Variants in ARHGAP26 observed in about 807,000 individuals in gnomAD.
ARHGAP26 encodes the protein rho GTPase-activating protein 26.
Under a neutral mutation model 104.8 loss-of-function variants are expected in ARHGAP26, and 38 were observed. That is an observed-to-expected ratio of 0.36 (90% CI 0.28 to 0.48). The LOEUF (loss-of-function observed/expected upper bound fraction) is 0.48, where lower values mean the gene tolerates loss of function less well. ARHGAP26 is among the 20% of genes least tolerant of loss of function. The probability of loss-of-function intolerance (pLI) is 0.99; values close to 1 mark genes in which losing one functional copy is unlikely to be tolerated. For synonymous variants in ARHGAP26, 341 were observed against 340.0 expected (o/e 1.00, Z -0.03); for missense variants, 704 against 947.9 (o/e 0.74, Z 3.38).
rs147297964 is a variant in ARHGAP26 at position 142,887,169 on chromosome 5, A to G, written c.486+1770A>G. On this transcript the variant is annotated intron_variant, in intron 5 of 22. Coordinates refer to ENST00000645722, the MANE Select transcript of ARHGAP26 (RefSeq NM_001135608.3). ...ACCAGATCCATTCTCTCCGTGGTCA[A>G]ATATTGCAGACTTGGTCTGGAATGA... Among the ~76,000 whole-genome samples, 116 of 152,316 alleles carry G rather than the reference A, an allele frequency of 7.6e-4. 2 individuals are homozygous for G. The highest frequency in any genetic ancestry group is 2.8e-3 in the African/African-American group (116 of 41,572).
chr5:143,078,032 A>G (rs1789283981), intron 17 of ARHGAP26, among the ~76,000 whole-genome samples: 1 of 152,322 alleles, frequency 6.6e-6, no homozygotes, highest in African/African-American at 2.4e-5. Context: ...ATTGAAATGA[A>G]CAAACTATTG....
intron 20 of ARHGAP26, chr5:143,165,023 C>G (rs1223411004): frequency 6.6e-6 from 1 of 152,218 alleles, no homozygotes; most frequent in East Asian, 1.9e-4. Context: ...ATATAGAAAT[C>G]CAAGAATTTG....
intron 1 of ARHGAP26, among the ~76,000 whole-genome samples, chr5:142,785,751 C>T (rs1758448655): frequency 6.6e-6 from 1 of 152,182 alleles, no homozygotes; most frequent in Non-Finnish European, 1.5e-5. Context: ...GAAAGCCCTT[C>T]TTCTTCACTA....
chr5:143,104,224 T>C (rs1366159158), intron 17 of ARHGAP26, among the ~76,000 whole-genome samples: 1 of 152,102 alleles, frequency 6.6e-6, no homozygotes, highest in African/African-American at 2.4e-5. Flanking sequence ...AAAATATTTA[T>C]GCTGGCTAGG....
At chr5:143,053,636 G>C (rs1383519720) in intron 14 of ARHGAP26, among the ~76,000 whole-genome samples, 3 of 152,124 alleles carry the variant, frequency 2.0e-5, no homozygotes, top group Non-Finnish European at 4.4e-5. Context: ...ATACTGATTT[G>C]TTTAAAAGTC....
At chr5:143,017,950 G>T (rs1328072737) in intron 12 of ARHGAP26, among the ~76,000 whole-genome samples, 1 of 152,102 alleles carries the variant, frequency 6.6e-6, no homozygotes, top group Non-Finnish European at 1.5e-5. Flanking sequence ...CAGAGTGGTC[G>T]ATCCGCAGTC....
chr5:142,965,242 C>T (rs867618472), intron 11 of ARHGAP26, among the ~76,000 whole-genome samples: 40 of 152,298 alleles, frequency 2.6e-4, no homozygotes, highest in African/African-American at 7.9e-4. Context: ...CACAGGGAGA[C>T]GGTTAGGCCT....
At chr5:142,853,348 A>T (rs1410857366) in intron 1 of ARHGAP26, among the ~76,000 whole-genome samples, 1 of 151,946 alleles carries the variant, frequency 6.6e-6, no homozygotes, top group East Asian at 1.9e-4. Context: ...GTGTCACCAC[A>T]TCCAGCTAAT....
At chr5:142,886,726 A>T (rs930022390) in intron 5 of ARHGAP26, among the ~76,000 whole-genome samples, 7 of 152,226 alleles carry the variant, frequency 4.6e-5, no homozygotes, top group Non-Finnish European at 8.8e-5. Flanking sequence ...AAAAATAAAA[A>T]AAAAAAATCT....
intron 11 of ARHGAP26, among the ~76,000 whole-genome samples, chr5:142,945,605 A>T (rs1385436752): frequency 6.6e-6 from 1 of 152,158 alleles, no homozygotes; most frequent in African/African-American, 2.4e-5. Context: ...CAAGTCAAGA[A>T]TTTATCAGAG....
rs144885487 is a variant in ARHGAP26 at position 142,943,077 on chromosome 5, G to GT, written c.1107+10953dup. Among the ~76,000 whole-genome samples, 1,048 of 152,306 alleles carry GT rather than the reference G, an allele frequency of 6.9e-3. 13 individuals carry two copies. Among genetic ancestry groups the GT allele is most frequent in the African/African-American group, 0.023 (944 of 41,568 alleles). Reference sequence around the variant, plus strand: ...ATTACAGGCGTGAGCCACTGCACCTGTCCTGGATTGTGATCTTGAAGTGAT... The same window carrying GT: ...ATTACAGGCGTGAGCCACTGCACCTGTTCCTGGATTGTGATCTTGAAGTGAT... On this transcript the variant is annotated intron_variant, in intron 11 of 22. Coordinates refer to ENST00000645722, the MANE Select transcript of ARHGAP26 (RefSeq NM_001135608.3).
chr5:143,201,172 A>G lies in ARHGAP26; in HGVS notation c.1989-6026A>G, dbSNP rs138891270. On this transcript the variant is annotated intron_variant, in intron 20 of 22. Transcript: ENST00000645722. Reference sequence around the variant, plus strand: ...TAAGCCTACCAGTTGAATCCAAACCAGACCAGCAAATGTTCCTTGCATGCT... The same window carrying G: ...TAAGCCTACCAGTTGAATCCAAACCGGACCAGCAAATGTTCCTTGCATGCT... Among the ~76,000 whole-genome samples the G allele has an allele frequency of 5.3e-4, 80 of 152,338 alleles. No individual in the cohort carries two copies. The East Asian group carries it at 0.015, about 28-fold the overall frequency.
intron 11 of ARHGAP26, among the ~76,000 whole-genome samples, chr5:143,000,580 A>G (rs928464245): frequency 2.0e-5 from 3 of 152,244 alleles, no homozygotes; most frequent in Non-Finnish European, 4.4e-5. Context: ...ATGTACACGT[A>G]TGTTTATTGC....
intron 4 of ARHGAP26, among the ~76,000 whole-genome samples, chr5:142,883,032 A>C (rs1194783243): frequency 6.6e-6 from 1 of 152,176 alleles, no homozygotes; most frequent in Non-Finnish European, 1.5e-5. Context: ...CTCCCATCTT[A>C]AGAACATTAT....
intron 19 of ARHGAP26, among the ~76,000 whole-genome samples, chr5:143,145,741 C>T (rs1281933193): frequency 1.3e-5 from 2 of 152,110 alleles, no homozygotes; most frequent in Admixed American, 6.6e-5. Flanking sequence ...TTTTCCAAAT[C>T]TACTTTGAGT....
intron 20 of ARHGAP26, among the ~76,000 whole-genome samples, chr5:143,173,385 G>T (rs944826834): frequency 1.3e-5 from 2 of 152,154 alleles, no homozygotes; most frequent in Non-Finnish European, 2.9e-5. Context: ...GTGTGCAGGA[G>T]CCACGAGGGC....
At chr5:142,850,098 C>T (rs1751219315) in intron 1 of ARHGAP26, among the ~76,000 whole-genome samples, 1 of 152,230 alleles carries the variant, frequency 6.6e-6, no homozygotes, top group African/African-American at 2.4e-5. Context: ...CTCATGCCCT[C>T]ATTGTGTTCC....
rs201790498 is a variant in ARHGAP26, at chr5:142,795,048, C to CT, written c.154+24142dup. 6.3e-5 allele frequency among the ~76,000 whole-genome samples: 9 copies of CT among 142,612 alleles called. 1 individual carries two copies. Among genetic ancestry groups the CT allele is most frequent in the East Asian group, 2.1e-4 (1 of 4,700 alleles). The allele number at this position is 142,612 out of a possible 152,430, so 93.6% of individuals were successfully genotyped here. On this transcript the variant is annotated intron_variant, in intron 1 of 22. Transcript: ENST00000645722. ...AGTGTCTCTGTCATATCTTCTTCTT[C>CT]TTTTTTTTTAAAAAAATTTATAGCC...
chr5:142,985,988 G>A (rs898126839), intron 11 of ARHGAP26, among the ~76,000 whole-genome samples: 4 of 152,146 alleles, frequency 2.6e-5, no homozygotes, highest in African/African-American at 9.7e-5. Context: ...TGTTTTTATA[G>A]CAGCATGATT....
Sources: allele counts gnomAD v4.1 joint callset (sites outside exome capture counted in the v4.1 genomes callset), GRCh38; gene constraint gnomAD v4.1.1; transcripts MANE v1.5; gene names NCBI Gene and HGNC (gene_info 2026-07-23, HGNC 2026-07-21).